Variants in R3HCC1L observed in about 807,000 individuals in gnomAD.
R3HCC1L encodes coiled-coil domain-containing protein R3HCC1L.
A neutral mutation model predicts 59.9 loss-of-function variants in R3HCC1L; 51 were observed. The observed-to-expected ratio is 0.85, with a 90% CI of 0.68 to 1.07. The LOEUF (loss-of-function observed/expected upper bound fraction) is 1.07. Ranked by LOEUF, R3HCC1L falls within the 50% of genes least tolerant of loss-of-function variation. The pLI, the probability that R3HCC1L is intolerant of heterozygous loss-of-function variation, is 0.00. For synonymous variants in R3HCC1L, 322 were observed against 315.2 expected (o/e 1.02, Z -0.23); for missense variants, 965 against 933.0 (o/e 1.03, Z -0.45).
intron 5 of R3HCC1L, among the ~76,000 whole-genome samples, chr10:98,212,636 CT>C (rs530778018): frequency 2.5e-4 from 38 of 152,264 alleles, no homozygotes; most frequent in African/African-American, 7.5e-4. Context: ...ATTGGCATGA[CT>C]TTTTTTAGCC....
rs753098409 is a variant in R3HCC1L at position 98,209,251 on chromosome 10, C to T, written c.1137C>T (p.Asp379=). 1.9e-6 allele frequency: 3 copies of T among 1,613,784 alleles called. No homozygotes were observed. The highest frequency in any genetic ancestry group is 2.7e-5 in the African/African-American group (2 of 74,916). ...GDITNKACMM[D]TTGMSCSDHV... is the part of the protein sequence containing the mutation. ...TTACCAATAAAGCATGTATGATGGA[C>T]ACTACAGGTATGTCCTGTAGTGATC... Residue 379 remains aspartate, a synonymous_variant, in exon 5 of 10, where the codon GAC becomes GAT. Transcript: ENST00000298999.
chr10:98,180,208 C>T (rs1165379123), intron 4 of R3HCC1L, among the ~76,000 whole-genome samples: 1 of 152,046 alleles, frequency 6.6e-6, no homozygotes, highest in East Asian at 1.9e-4. Context: ...CTATAAATTT[C>T]CCTCTACACA....
intron 1 of R3HCC1L, among the ~76,000 whole-genome samples, chr10:98,155,216 G>A (rs1433481893): frequency 6.6e-6 from 1 of 152,114 alleles, no homozygotes; most frequent in Non-Finnish European, 1.5e-5. Flanking sequence ...TCCTAAAATA[G>A]ATAAATGAGC....
At chr10:98,189,996 A>C (rs1018814513) in intron 4 of R3HCC1L, among the ~76,000 whole-genome samples, 5 of 152,190 alleles carry the variant, frequency 3.3e-5, no homozygotes, top group Non-Finnish European at 2.9e-5. Flanking sequence ...TGGATACCAC[A>C]ATTTGAGGAT....
At chr10:98,216,852 T>C (rs1166987530) in intron 5 of R3HCC1L, among the ~76,000 whole-genome samples, 2 of 152,176 alleles carry the variant, frequency 1.3e-5, no homozygotes, top group Admixed American at 1.3e-4. Flanking sequence ...AGTGTTGGGA[T>C]TACAAGTATG....
chr10:98,180,690 A>C (rs1448426858), intron 4 of R3HCC1L, among the ~76,000 whole-genome samples: 1 of 150,914 alleles, frequency 6.6e-6, no homozygotes, highest in Non-Finnish European at 1.5e-5. Context: ...ATTGTGTGGG[A>C]GTCTTGTAGG....
intron 8 of R3HCC1L, 67 bp downstream of exon 8, chr10:98,235,587 A>G: frequency 7.9e-7 from 1 of 1,268,300 alleles, no homozygotes; most frequent in Non-Finnish European, 1.1e-6. Flanking sequence ...CAGAAGTTTT[A>G]TAGCATCCAG....
chr10:98,163,390 C>T lies in R3HCC1L; in HGVS notation c.-22C>T. On this transcript the variant is annotated 5_prime_UTR_variant, in exon 4 of 10. Coordinates refer to ENST00000298999, the MANE Select transcript of R3HCC1L (RefSeq NM_001351015.2). ...TTTATTACTAAGAAAATAAATGTTACTTACATGGTAAGTTGCCTTTACTTA... is the reference window on the plus strand; with the variant it reads ...TTTATTACTAAGAAAATAAATGTTATTTACATGGTAAGTTGCCTTTACTTA... The T allele has an allele frequency of 3.0e-6, 4 of 1,334,616 alleles. No homozygotes were observed. Among genetic ancestry groups the T allele is most frequent in the Non-Finnish European group, 3.0e-6 (3 of 1,007,322 alleles). 82.7% of individuals were successfully genotyped at this position (1,334,616 alleles called of 1,614,324 possible).
At chr10:98,216,287 G>A (rs1854194759) in intron 5 of R3HCC1L, among the ~76,000 whole-genome samples, 1 of 152,102 alleles carries the variant, frequency 6.6e-6, no homozygotes, top group African/African-American at 2.4e-5. Flanking sequence ...GCCGAGGCAG[G>A]TGGATCGCTT....
intron 5 of R3HCC1L, among the ~76,000 whole-genome samples, chr10:98,222,766 G>C (rs1276848970): frequency 2.0e-5 from 3 of 151,740 alleles, no homozygotes; most frequent in Non-Finnish European, 4.4e-5. Flanking sequence ...TTTTTGAAAG[G>C]ATCAACAAAA....
chr10:98,197,209 C>G (rs1188119821), intron 4 of R3HCC1L, among the ~76,000 whole-genome samples: 3 of 55,296 alleles, frequency 5.4e-5, no homozygotes, highest in Admixed American at 4.9e-4. Flanking sequence ...GCCACCATGC[C>G]CCCCCCTCCA....
In R3HCC1L at chr10:98,153,627, A is replaced by G. The variant is rs867500871; in HGVS notation, c.-267-2466A>G. Among the ~76,000 whole-genome samples, 859 of 151,400 alleles carry G rather than the reference A, an allele frequency of 5.7e-3. 5 individuals are homozygous for G. Among genetic ancestry groups the G allele is most frequent in the African/African-American group, 0.02 (824 of 41,266 alleles). ...GATCAATTAAAAAAAAAAAAAAAAA[A>G]AAAAGAAGTTTAGACACAACAGCTG... On this transcript the variant is annotated intron_variant, in intron 1 of 9. Coordinates refer to ENST00000298999, the MANE Select transcript of R3HCC1L (RefSeq NM_001351015.2).
chr10:98,230,974 C>CT (rs1856313221), intron 5 of R3HCC1L: 1 of 393,754 alleles, frequency 2.5e-6, no homozygotes, highest in South Asian at 1.9e-5. Context: ...ACTTGTACCA[C>CT]TTAATTTGTC....
chr10:98,144,415 C>G (rs1845459199), intron 1 of R3HCC1L, among the ~76,000 whole-genome samples: 1 of 152,086 alleles, frequency 6.6e-6, no homozygotes, highest in Non-Finnish European at 1.5e-5. Context: ...GGGGTTTCAC[C>G]ATGTTGGCCA....
intron 1 of R3HCC1L, among the ~76,000 whole-genome samples, chr10:98,138,157 T>A (rs1844777615): frequency 6.6e-6 from 1 of 152,240 alleles, no homozygotes; most frequent in Non-Finnish European, 1.5e-5. Context: ...TCAAGTGCCA[T>A]GTTGACTACC....
chr10:98,209,463 G>C lies in R3HCC1L; in HGVS notation c.1349G>C (p.Ser450Thr). The part of the protein sequence containing the change: ...PSACSDIYGE[S>T]ISSHFTESTG... ...GCTTGCTCAGATATTTATGGTGAGA[G>C]TATTTCATCTCATTTTACAGAGTCA... Residue 450 changes from serine to threonine, a missense_variant, in exon 5 of 10, where the codon AGT becomes ACT. Transcript: ENST00000298999. 6.2e-7 allele frequency: 1 copy of C among 1,613,616 alleles called. No homozygotes were observed. The highest frequency in any genetic ancestry group is 8.5e-7 in the Non-Finnish European group (1 of 1,179,990).
intron 4 of R3HCC1L, among the ~76,000 whole-genome samples, chr10:98,169,995 A>G (rs943190813): frequency 1.3e-5 from 2 of 150,654 alleles, no homozygotes; most frequent in African/African-American, 4.9e-5. Context: ...TATGAGGCAC[A>G]TTTTTGGGGG....
intron 6 of R3HCC1L, among the ~76,000 whole-genome samples, chr10:98,233,776 C>G (rs896133769): frequency 5.3e-5 from 8 of 152,128 alleles, no homozygotes; most frequent in African/African-American, 1.7e-4. Flanking sequence ...CTAATCTGGT[C>G]TGATATTTCT....
At chr10:98,204,915 T>C (rs1486333512) in intron 4 of R3HCC1L, among the ~76,000 whole-genome samples, 1 of 152,126 alleles carries the variant, frequency 6.6e-6, no homozygotes, top group Non-Finnish European at 1.5e-5. Flanking sequence ...CTGCCGCAGA[T>C]AAGAGTGGGG....
Sources: gnomAD v4.1 joint callset for allele counts (sites outside exome capture counted in the v4.1 genomes callset) on GRCh38, gnomAD v4.1.1 for gene constraint, MANE v1.5 for transcripts, NCBI Gene and HGNC (gene_info 2026-07-23, HGNC 2026-07-21) for gene names.